PLEKHG1: variants seen among roughly 807,000 people sequenced by gnomAD.
PLEKHG1 encodes pleckstrin homology and RhoGEF domain containing G1.
In PLEKHG1, 44 loss-of-function variants were observed where a neutral mutation model predicts 100.8. That is an observed-to-expected ratio of 0.44 (90% confidence interval 0.34 to 0.56). The LOEUF (loss-of-function observed/expected upper bound fraction) is 0.56. Among genes scored for constraint, PLEKHG1 ranks in the 20% least tolerant of loss-of-function variants. PLEKHG1 has a pLI of 0.01. For missense variants in PLEKHG1, 1,545 were observed against 1,720.9 expected (o/e 0.90, Z 1.81); for synonymous variants, 640 against 662.5 (o/e 0.97, Z 0.52).
intron 5 of PLEKHG1, among the ~76,000 whole-genome samples, chr6:150,799,855 C>T (rs545531078): frequency 2.0e-5 from 3 of 152,308 alleles, no homozygotes; most frequent in African/African-American, 7.2e-5. Flanking sequence ...ATTATTTCCA[C>T]CTGCTTCCTT....
At chr6:150,808,040 G>C (rs1787246980) in intron 7 of PLEKHG1, among the ~76,000 whole-genome samples, 1 of 152,164 alleles carries the variant, frequency 6.6e-6, no homozygotes, top group African/African-American at 2.4e-5. Context: ...ACAGTCAACA[G>C]TAATTTATAA....
At chr6:150,757,690 TTTCTTC>T (rs1003816327) in intron 2 of PLEKHG1, among the ~76,000 whole-genome samples, 1 of 152,166 alleles carries the variant, frequency 6.6e-6, no homozygotes, top group African/African-American at 2.4e-5. Context: ...GGATTCTTTT[TTTCTTC>T]TTCTTCTTCA....
chr6:150,827,889 C>T lies in PLEKHG1; in HGVS notation c.1471-2693C>T, dbSNP rs1776704304. 4 of 1,516,964 alleles carry T rather than the reference C, an allele frequency of 2.6e-6. No homozygotes were observed. In the South Asian group the frequency reaches 4.5e-5, roughly 17 times the overall value. The allele number at this position is 1,516,964 out of a possible 1,614,324, so 94.0% of individuals were successfully genotyped here. ...TGAATGTGCTATTGAAATGTACAGA[C>T]AGCAGAGACTGGCTGAGTGGAAAGC... On this transcript the variant is annotated intron_variant, in intron 14 of 15. Coordinates refer to ENST00000358517, the Ensembl canonical transcript of PLEKHG1.
chr6:150,830,949 G>A (rs1425188649), exon 15 of PLEKHG1: 3 of 1,613,944 alleles, frequency 1.9e-6, no homozygotes, highest in African/African-American at 2.7e-5. Context: ...AGCAGTGCTG[G>A]GGAGAGCAAC....
At chr6:150,761,371 G>A (rs749461912) in intron 2 of PLEKHG1, among the ~76,000 whole-genome samples, 4 of 151,374 alleles carry the variant, frequency 2.6e-5, no homozygotes, top group Non-Finnish European at 5.9e-5. Context: ...GCAGTGGTGC[G>A]ATCTCGGCTC....
At chr6:150,771,639 G>C (rs914993557) in intron 3 of PLEKHG1, among the ~76,000 whole-genome samples, 7 of 151,554 alleles carry the variant, frequency 4.6e-5, no homozygotes, top group Admixed American at 4.6e-4. Context: ...TCCGCCTCCC[G>C]GGTTCAACAA....
chr6:150,737,969 A>G (rs1425272032), intron 2 of PLEKHG1, among the ~76,000 whole-genome samples: 2 of 150,596 alleles, frequency 1.3e-5, no homozygotes, highest in Non-Finnish European at 3.0e-5. Flanking sequence ...ACACCTTGCT[A>G]AGTTTTTTTT....
At chr6:150,632,172 C>T (rs1001080170) in intron 1 of PLEKHG1, among the ~76,000 whole-genome samples, 3 of 152,166 alleles carry the variant, frequency 2.0e-5, no homozygotes, top group Non-Finnish European at 2.9e-5. Context: ...TCAGAGTACA[C>T]GAAATTGTTT....
chr6:150,840,157 G>T, exon 16 of PLEKHG1: 1 of 1,614,206 alleles, frequency 6.2e-7, no homozygotes, highest in Non-Finnish European at 8.5e-7. Flanking sequence ...CCTCTGCCAG[G>T]CTCTGTGCAG....
intron 3 of PLEKHG1, among the ~76,000 whole-genome samples, chr6:150,715,313 G>C (rs1163114641): frequency 6.6e-6 from 1 of 152,116 alleles, no homozygotes; most frequent in African/African-American, 2.4e-5. Context: ...CAGTCTGGAA[G>C]AATGTGTATA....
chr6:150,643,230 C>CT (rs1778346435), intron 2 of PLEKHG1, among the ~76,000 whole-genome samples: 1 of 152,156 alleles, frequency 6.6e-6, no homozygotes. Context: ...TGGTAAAAAT[C>CT]TAAGGTCTGG....
chr6:150,734,715 C>G (rs1160687980), intron 2 of PLEKHG1, among the ~76,000 whole-genome samples: 1 of 152,068 alleles, frequency 6.6e-6, no homozygotes, highest in African/African-American at 2.4e-5. Context: ...TGTCTTGTCT[C>G]GTGTCTCCTT....
chr6:150,716,087 G>C (rs1423115125), intron 3 of PLEKHG1, among the ~76,000 whole-genome samples: 4 of 127,926 alleles, frequency 3.1e-5, no homozygotes, highest in East Asian at 2.3e-4. Flanking sequence ...CAGCCTGGGC[G>C]ACAGAGCGAG....
intron 2 of PLEKHG1, among the ~76,000 whole-genome samples, chr6:150,763,189 G>A (rs1055281684): frequency 5.9e-5 from 9 of 151,710 alleles, no homozygotes; most frequent in African/African-American, 2.2e-4. Context: ...CACCACACTT[G>A]GCTAATATTT....
chr6:150,747,069 C>A (rs1245468450), intron 2 of PLEKHG1, among the ~76,000 whole-genome samples: 1 of 152,224 alleles, frequency 6.6e-6, no homozygotes, highest in African/African-American at 2.4e-5. Flanking sequence ...ATTGCAAAGA[C>A]CGCCTGTAGG....
intron 3 of PLEKHG1, among the ~76,000 whole-genome samples, chr6:150,779,347 T>TG (rs10653471): frequency 0.059 from 7,605 of 128,188 alleles, 572 homozygotes; most frequent in African/African-American, 0.17. Flanking sequence ...TCAAGAAGTT[T>TG]TTTTTTTTTT....
At chr6:150,719,549 A>G (rs189269254), upstream of PLEKHG1, among the ~76,000 whole-genome samples, 38 of 152,326 alleles carry the variant, frequency 2.5e-4, no homozygotes, top group Middle Eastern at 6.8e-3. Context: ...ATGAGACCAC[A>G]TGATCCTTAC....
chr6:150,818,048 T>G (rs1776082709), intron 10 of PLEKHG1, 135 bp from the exon 12 acceptor site: 2 of 726,612 alleles, frequency 2.8e-6, no homozygotes, highest in Admixed American at 4.8e-5. Flanking sequence ...TGTGTGTAAA[T>G]GCTTAACATA....
intron 15 of PLEKHG1, among the ~76,000 whole-genome samples, chr6:150,839,054 A>G (rs1221255950): frequency 6.6e-6 from 1 of 152,188 alleles, no homozygotes; most frequent in Admixed American, 6.6e-5. Context: ...AGACAAAAAA[A>G]GAATGATGGG....
Sources: allele counts gnomAD v4.1 joint callset (sites outside exome capture counted in the v4.1 genomes callset), GRCh38; gene constraint gnomAD v4.1.1; transcripts MANE v1.5; gene names NCBI Gene and HGNC (gene_info 2026-07-23, HGNC 2026-07-21).